Variants in SYNE1 observed in about 807,000 individuals in gnomAD.
SYNE1 encodes spectrin repeat containing nuclear envelope protein 1.
A neutral mutation model predicts 1,111.0 loss-of-function variants in SYNE1; 616 were observed. The observed-to-expected ratio is 0.55, with a 90% CI of 0.52 to 0.59. The LOEUF (loss-of-function observed/expected upper bound fraction) is 0.59, where lower values mean the gene tolerates loss of function less well. Among genes scored for constraint, SYNE1 ranks in the 20% least tolerant of loss-of-function variants. The probability of loss-of-function intolerance (pLI) is 0.00; values close to 1 mark genes in which losing one functional copy is unlikely to be tolerated. For missense variants in SYNE1, 10,006 were observed against 10,417.0 expected (o/e 0.96, Z 1.72); for synonymous variants, 3,855 against 3,825.8 (o/e 1.01, Z -0.28).
intron 45 of SYNE1, among the ~76,000 whole-genome samples, chr6:152,406,199 T>C (rs1035770338): frequency 6.6e-6 from 1 of 152,142 alleles, no homozygotes; most frequent in Non-Finnish European, 1.5e-5. Context: ...AGGGACTCTT[T>C]GTGGAAGCCT....
chr6:152,222,684 C>A (rs751957166), intron 117 of SYNE1, among the ~76,000 whole-genome samples: 1 of 151,970 alleles, frequency 6.6e-6, no homozygotes, highest in Non-Finnish European at 1.5e-5. Context: ...CAAAGTTGAA[C>A]TCATAGAAGT....
chr6:152,344,638 TC>T (rs974505804), intron 73 of SYNE1, among the ~76,000 whole-genome samples: 44 of 152,234 alleles, frequency 2.9e-4, no homozygotes, highest in African/African-American at 9.9e-4. Flanking sequence ...AAAAATGATC[TC>T]AAAAAAAGAT....
intron 113 of SYNE1, 51 bp downstream of exon 113, chr6:152,232,065 A>G: frequency 7.2e-7 from 1 of 1,383,280 alleles, no homozygotes; most frequent in Non-Finnish European, 1.0e-6. Context: ...AGTTCTTTCA[A>G]ATAAAATGGT....
rs371742079 is a variant in SYNE1 at position 152,384,339 on chromosome 6, C to A, written c.8652+1335G>T. ...GACCAGTTTGTGGATCGCTGTTCCT[C>A]ACTAGACTGCAAGTTCCTTAGGGAA... On this transcript the variant is annotated intron_variant, in intron 55 of 145. Transcript: ENST00000367255. 4.3e-4 allele frequency among the ~76,000 whole-genome samples: 66 copies of A among 152,234 alleles called. 1 individual carries two copies. In the East Asian group the frequency reaches 0.011, roughly 26 times the overall value.
chr6:152,329,880 C>T lies in SYNE1; in HGVS notation c.14805G>A (p.Gln4935=). The stretch of plus-strand genomic sequence containing the variant: ...GCGCATTCATGATTCTCAAGCTGGA[C>T]TGGACCTCTTCCTGATGAATTTGGA... ...RKIQIHQEEV[Q]SSLRIMNALS... Residue 4935 remains glutamine (Q), a synonymous_variant, in exon 78 of 146, where the codon CAG becomes CAA. Transcript: ENST00000367255. 6.2e-7 allele frequency: 1 copy of T among 1,614,162 alleles called. No individual in the cohort carries two copies. The highest frequency in any genetic ancestry group is 2.2e-5 in the East Asian group (1 of 44,880).
chr6:152,130,644 T>G, intron 145 of SYNE1, 76 bp downstream of exon 145: 1 of 1,522,868 alleles, frequency 6.6e-7, no homozygotes. Context: ...CAGATATAGG[T>G]CAACCTAAGT....
At chr6:152,401,418 G>A in intron 46 of SYNE1, 77 bp from the exon 47 acceptor site, 1 of 1,427,326 alleles carries the variant, frequency 7.0e-7, no homozygotes, top group South Asian at 1.2e-5. Context: ...CTGTTCACGT[G>A]CAGCTTAATT....
intron 10 of SYNE1, among the ~76,000 whole-genome samples, chr6:152,501,736 CAAA>C (rs1232051419): frequency 3.3e-5 from 3 of 90,048 alleles, no homozygotes; most frequent in Admixed American, 1.2e-4. Context: ...CTCCATCTCA[CAAA>C]AAAAAAAAAA....
chr6:152,311,783 ATTTC>A (rs2095556357), intron 87 of SYNE1, among the ~76,000 whole-genome samples: 1 of 148,670 alleles, frequency 6.7e-6, no homozygotes, highest in East Asian at 2.0e-4. Context: ...CTATTTATTT[ATTTC>A]TTTTTTGAGA....
Position 152,323,154 on chromosome 6 carries a change from CAG to C in SYNE1, c.15917+322_15917+323del, listed in dbSNP as rs2095924802. ...CTTATCCCAAGGCCAAGTTCAGTAA[CAG>C]AATGAAAGTAGGGGCCGGGCGCGGT... On this transcript the variant is annotated intron_variant, in intron 82 of 145. Coordinates refer to ENST00000367255, the MANE Select transcript of SYNE1 (RefSeq NM_182961.4). Among the ~76,000 whole-genome samples, 3 of 152,236 alleles carry C rather than the reference CAG, an allele frequency of 2.0e-5. No individual in the cohort carries two copies. The South Asian group carries it at 6.2e-4, about 32-fold the overall frequency.
chr6:152,435,105 A>G (rs1278169366), intron 33 of SYNE1: 1 of 152,158 alleles, frequency 6.6e-6, no homozygotes, highest in Non-Finnish European at 1.5e-5. Flanking sequence ...TATGTATCAA[A>G]TTTTAAAGTT....
chr6:152,628,168 A>G, intron 3 of SYNE1, 97 bp downstream of exon 3: 2 of 1,349,304 alleles, frequency 1.5e-6, no homozygotes, highest in Non-Finnish European at 1.1e-6. Flanking sequence ...CTGGGCTATA[A>G]TTCCATGAAA....
rs1446558374 is a variant in SYNE1 at position 152,353,662 on chromosome 6, T to A, written c.11009A>T (p.His3670Leu). 6.2e-7 allele frequency: 1 copy of A among 1,614,220 alleles called. No homozygotes were observed. The highest frequency in any genetic ancestry group is 1.7e-5 in the Admixed American group (1 of 60,026). Residue 3670 changes from histidine (H) to leucine (L), a missense_variant, in exon 68 of 146, where the codon CAC becomes CTC. Physicochemically the swap from His to Leu is moderately conservative, Grantham distance 99. Transcript: ENST00000367255. Reference protein sequence around the residue: ...ARAQEILDESHVNSRMGCQAT... With the variant: ...ARAQEILDESLVNSRMGCQAT... ...CTGGCAACCCATTCTGCTGTTCACG[T>A]GGCTCTCGTCCAGTATCTCCTGAGC...
rs771327791 is a variant in SYNE1, at chr6:152,465,299, C to T, written c.1891G>A (p.Asp631Asn). ...GATTGATTGAGCATTTTTTCAGCATCCTCTAGCCAGGCTTGCAGACTAGCC... is the reference window on the plus strand; with the variant it reads ...GATTGATTGAGCATTTTTTCAGCATTCTCTAGCCAGGCTTGCAGACTAGCC... The part of the protein sequence containing the change: ...TVASLQAWLE[D>N]AEKMLNQSEN... The change falls in exon 18 of 146, where the codon GAT becomes AAT. Residue 631 changes from aspartate (D) to asparagine (N), a missense_variant. Coordinates refer to ENST00000367255, the MANE Select transcript of SYNE1 (RefSeq NM_182961.4). 1.2e-6 allele frequency: 2 copies of T among 1,613,752 alleles called. No individual in the cohort carries two copies. Among genetic ancestry groups the T allele is most frequent in the Non-Finnish European group, 1.7e-6 (2 of 1,179,754 alleles).
At chr6:152,335,627 A>C (rs1174351293) in intron 76 of SYNE1, 1 of 152,110 alleles carries the variant, frequency 6.6e-6, no homozygotes, top group Non-Finnish European at 1.5e-5. Context: ...CAGAGAAAAA[A>C]CATCTTTAAG....
At chr6:152,265,616 T>C (rs183305772) in intron 100 of SYNE1, among the ~76,000 whole-genome samples, 5 of 152,214 alleles carry the variant, frequency 3.3e-5, no homozygotes, top group Non-Finnish European at 5.9e-5. Flanking sequence ...GAATATTTAA[T>C]ATTTATAGTC....
intron 130 of SYNE1, 92 bp from the exon 131 acceptor site, chr6:152,164,417 CT>C: frequency 6.8e-7 from 1 of 1,474,658 alleles, no homozygotes; most frequent in Non-Finnish European, 9.4e-7. Flanking sequence ...CTTTAACAAT[CT>C]TTTTAGGCAG....
intron 6 of SYNE1, among the ~76,000 whole-genome samples, chr6:152,512,131 T>C (rs1157050638): frequency 1.3e-5 from 2 of 152,218 alleles, no homozygotes; most frequent in African/African-American, 4.8e-5. Flanking sequence ...ATTTCACAAA[T>C]ACTTTACTCT....
chr6:152,213,934 C>T (rs747755614), intron 122 of SYNE1, among the ~76,000 whole-genome samples, 175 bp from the exon 123 acceptor site: 1 of 152,174 alleles, frequency 6.6e-6, no homozygotes, highest in Non-Finnish European at 1.5e-5. Context: ...GTTGCAGTGG[C>T]TCACGCCTGT....
Sources: allele counts gnomAD v4.1 joint callset (sites outside exome capture counted in the v4.1 genomes callset), GRCh38; gene constraint gnomAD v4.1.1; transcripts MANE v1.5; gene names NCBI Gene and HGNC (gene_info 2026-07-23, HGNC 2026-07-21).